The following STX8 variants were observed in gnomAD, a reference collection of about 807,000 sequenced individuals.
STX8 encodes the protein syntaxin-8.
Under a neutral mutation model 37.5 loss-of-function variants are expected in STX8, and 23 were observed. The observed-to-expected ratio is 0.61, with a 90% CI of 0.44 to 0.87. The LOEUF (loss-of-function observed/expected upper bound fraction) is 0.87. STX8 is among the 40% of genes least tolerant of loss of function. STX8 has a pLI of 0.00. For missense variants in STX8, 313 were observed against 284.7 expected (o/e 1.10, Z -0.71); for synonymous variants, 115 against 99.1 (o/e 1.16, Z -0.95).
At chr17:9,432,910 A>G (rs954647558) in intron 6 of STX8, among the ~76,000 whole-genome samples, 1 of 152,240 alleles carries the variant, frequency 6.6e-6, no homozygotes, top group East Asian at 1.9e-4. Flanking sequence ...AATTGTTTAT[A>G]GCTCAGGTGC....
rs556895554 is a variant in STX8, at chr17:9,397,718, G to A, written c.542-19065C>T. ...AGGCCGGGCACGGTAGCTCACACCT[G>A]TAATTCCAGCACCTTGGGAGGTCAA... On this transcript the variant is annotated intron_variant, in intron 6 of 7. Coordinates refer to ENST00000306357, the MANE Select transcript of STX8 (RefSeq NM_004853.3). 3.3e-5 allele frequency among the ~76,000 whole-genome samples: 5 copies of A among 152,192 alleles called. No homozygotes were observed. In the East Asian group the frequency reaches 7.7e-4, roughly 24 times the overall value.
At chr17:9,288,621 C>G (rs548398115) in intron 7 of STX8, among the ~76,000 whole-genome samples, 8 of 151,976 alleles carry the variant, frequency 5.3e-5, no homozygotes, top group Non-Finnish European at 1.2e-4. Context: ...GAGATCGCGC[C>G]ACTGCACTCC....
chr17:9,390,252 T>C (rs891501431), intron 6 of STX8, among the ~76,000 whole-genome samples: 3 of 152,332 alleles, frequency 2.0e-5, no homozygotes, highest in African/African-American at 7.2e-5. Flanking sequence ...CTGGACGCAG[T>C]GGCTCAGGCC....
At chr17:9,528,450 AC>A (rs2142537699) in intron 4 of STX8, among the ~76,000 whole-genome samples, 2 of 152,288 alleles carry the variant, frequency 1.3e-5, no homozygotes, top group African/African-American at 4.8e-5. Context: ...GGCGCGTGCC[AC>A]CATGCCCGGC....
chr17:9,264,697 G>C (rs977023928), intron 7 of STX8, among the ~76,000 whole-genome samples: 3 of 152,172 alleles, frequency 2.0e-5, no homozygotes, highest in Admixed American at 6.5e-5. Flanking sequence ...GAACAAGAAG[G>C]CAAATCCTTT....
intron 4 of STX8, among the ~76,000 whole-genome samples, chr17:9,515,492 TTC>T (rs142393139): frequency 0.036 from 5,376 of 149,604 alleles, 355 homozygotes; most frequent in African/African-American, 0.12. Flanking sequence ...TTTGAAGTCT[TTC>T]TCTCTCTCTC....
chr17:9,429,698 A>G (rs1397014227), intron 6 of STX8, among the ~76,000 whole-genome samples: 3 of 112,050 alleles, frequency 2.7e-5, no homozygotes, highest in African/African-American at 1.0e-4. Flanking sequence ...GCAAGACTCC[A>G]TCTCAAAAAA....
At chr17:9,405,134 C>G (rs1369662986) in intron 6 of STX8, among the ~76,000 whole-genome samples, 1 of 152,170 alleles carries the variant, frequency 6.6e-6, no homozygotes, top group Non-Finnish European at 1.5e-5. Flanking sequence ...CTTTTTCTGT[C>G]ATAACAATAG....
chr17:9,475,807 T>G (rs1387715479), intron 6 of STX8, among the ~76,000 whole-genome samples: 1 of 152,252 alleles, frequency 6.6e-6, no homozygotes, highest in Non-Finnish European at 1.5e-5. Flanking sequence ...ACCTGCCGAC[T>G]GGCATATCTT....
intron 6 of STX8, among the ~76,000 whole-genome samples, chr17:9,476,601 T>C (rs1480685741): frequency 6.6e-6 from 1 of 151,788 alleles, no homozygotes. Flanking sequence ...TAGAGGCACA[T>C]GCCACCACAC....
intron 7 of STX8, 149 bp downstream of exon 7, chr17:9,378,403 G>A: frequency 4.6e-6 from 3 of 647,070 alleles, no homozygotes. Flanking sequence ...TTTAACCATT[G>A]TTTAGCAATT....
chr17:9,470,113 A>G (rs900254433), intron 6 of STX8: 1 of 151,716 alleles, frequency 6.6e-6, no homozygotes, highest in Admixed American at 6.5e-5. Context: ...TAAAATAAAA[A>G]CAACAACAAA....
At chr17:9,536,918 T>A (rs975734122) in intron 4 of STX8, among the ~76,000 whole-genome samples, 3 of 152,066 alleles carry the variant, frequency 2.0e-5, no homozygotes, top group Non-Finnish European at 4.4e-5. Flanking sequence ...TAATTTTTTT[T>A]ATTATTTTTA....
intron 2 of STX8, among the ~76,000 whole-genome samples, chr17:9,562,340 A>G (rs1597745710): frequency 6.6e-6 from 1 of 151,640 alleles, no homozygotes; most frequent in African/African-American, 2.4e-5. Flanking sequence ...CGGGAGGCGG[A>G]GCTTGAAGTG....
chr17:9,399,125 C>A lies in STX8; in HGVS notation c.542-20472G>T, dbSNP rs533636258. ...CGGACAGAGAAAATGATAAATGGAA[C>A]AGGAAAGGGTGCAGCAATAGATTCA... On this transcript the variant is annotated intron_variant, in intron 6 of 7. Coordinates refer to ENST00000306357, the MANE Select transcript of STX8 (RefSeq NM_004853.3). 2.0e-5 allele frequency among the ~76,000 whole-genome samples: 3 copies of A among 150,576 alleles called. No homozygotes were observed. In the South Asian group the frequency reaches 6.3e-4, roughly 32 times the overall value.
intron 6 of STX8, chr17:9,470,160 T>C (rs1330410206): frequency 2.6e-5 from 4 of 152,212 alleles, no homozygotes; most frequent in African/African-American, 9.7e-5. Context: ...TTCAAAATGC[T>C]TTCTCAAAGA....
At chr17:9,260,854 C>T (rs1321289425) in intron 7 of STX8, among the ~76,000 whole-genome samples, 1 of 152,170 alleles carries the variant, frequency 6.6e-6, no homozygotes, top group Non-Finnish European at 1.5e-5. Flanking sequence ...GTGCCCAGCA[C>T]CGGGCTGATG....
chr17:9,437,026 T>C (rs574089780), intron 6 of STX8, among the ~76,000 whole-genome samples: 1 of 152,328 alleles, frequency 6.6e-6, no homozygotes, highest in African/African-American at 2.4e-5. Flanking sequence ...GCATAAATCA[T>C]GCCTTTAAAA....
At chr17:9,409,155 A>G (rs1470534955) in intron 6 of STX8, among the ~76,000 whole-genome samples, 1 of 151,936 alleles carries the variant, frequency 6.6e-6, no homozygotes, top group Non-Finnish European at 1.5e-5. Flanking sequence ...AACAAATCAA[A>G]TCTTCATTTT....
Sources: gnomAD v4.1 joint callset for allele counts (sites outside exome capture counted in the v4.1 genomes callset) on GRCh38, gnomAD v4.1.1 for gene constraint, MANE v1.5 for transcripts, NCBI Gene and HGNC (gene_info 2026-07-23, HGNC 2026-07-21) for gene names.